BCAS3: variants seen among roughly 807,000 people sequenced by gnomAD.
The protein encoded by BCAS3 is BCAS4/BCAS3 fusion.
A neutral mutation model predicts 116.1 loss-of-function variants in BCAS3; 53 were observed. That is an observed-to-expected ratio of 0.46 (90% CI 0.37 to 0.57). The LOEUF is 0.57. BCAS3 is among the 20% of genes least tolerant of loss of function. The probability of loss-of-function intolerance (pLI) is 0.00; values close to 1 mark genes in which losing one functional copy is unlikely to be tolerated. For missense variants in BCAS3, 917 were observed against 1,165.4 expected (o/e 0.79, Z 3.10); for synonymous variants, 391 against 408.2 (o/e 0.96, Z 0.51).
chr17:60,897,245 T>C (rs971372322), intron 10 of BCAS3, among the ~76,000 whole-genome samples: 1 of 152,226 alleles, frequency 6.6e-6, no homozygotes, highest in Non-Finnish European at 1.5e-5. Flanking sequence ...CATTGTCTTC[T>C]GGCTTGTGAG....
chr17:61,133,899 A>T (rs1196189214), intron 22 of BCAS3, among the ~76,000 whole-genome samples: 1 of 150,192 alleles, frequency 6.7e-6, no homozygotes, highest in South Asian at 2.1e-4. Flanking sequence ...CCAAAAAACC[A>T]TCTTTGATTC....
chr17:60,747,278 T>C lies in BCAS3; in HGVS notation c.402T>C (p.Phe134=). The C allele has an allele frequency of 6.2e-7, 1 of 1,611,212 alleles. No homozygotes were observed. The highest frequency in any genetic ancestry group is 8.5e-7 in the Non-Finnish European group (1 of 1,177,508). ...RAARILPAPQ[F]GAQKCDNFAE... is the part of the protein sequence containing the mutation. ...CTAGAATCTTGCCTGCTCCACAGTT[T>C]GGTGAGTGTAGTCCTTAAGAAAAGA... Residue 134 remains phenylalanine, a splice_region_variant and synonymous_variant, in exon 6 of 24, where the codon TTT becomes TTC. Coordinates refer to ENST00000407086, the MANE Select transcript of BCAS3 (RefSeq NM_017679.5).
Position 60,985,444 on chromosome 17 carries a change from G to T in BCAS3, c.1222-4527G>T, listed in dbSNP as rs1057130943. 5.3e-5 allele frequency among the ~76,000 whole-genome samples: 8 copies of T among 151,966 alleles called. No homozygotes were observed. In the East Asian group the frequency reaches 7.7e-4, roughly 15 times the overall value. ...TTATGGGTGTGAGCTGTCACACCTGGTCCCAATTATATTCTTTAAGTTATT... is the reference window on the plus strand; with the variant it reads ...TTATGGGTGTGAGCTGTCACACCTGTTCCCAATTATATTCTTTAAGTTATT... On this transcript the variant is annotated intron_variant, in intron 14 of 23. Coordinates refer to ENST00000407086, the MANE Select transcript of BCAS3 (RefSeq NM_017679.5).
intron 22 of BCAS3, among the ~76,000 whole-genome samples, chr17:61,257,719 C>G (rs2048897578): frequency 6.6e-6 from 1 of 152,114 alleles, no homozygotes; most frequent in Admixed American, 6.6e-5. Flanking sequence ...TCAAATAATT[C>G]AAAATATGAT....
chr17:60,894,217 G>A (rs2057366303), intron 10 of BCAS3, among the ~76,000 whole-genome samples: 1 of 151,722 alleles, frequency 6.6e-6, no homozygotes, highest in African/African-American at 2.4e-5. Flanking sequence ...CATGAGCTTG[G>A]GATGTTTTTC....
chr17:61,230,854 T>C (rs973216158), intron 22 of BCAS3, among the ~76,000 whole-genome samples: 1 of 152,214 alleles, frequency 6.6e-6, no homozygotes, highest in Non-Finnish European at 1.5e-5. Flanking sequence ...TTTTAAGTTC[T>C]TTGAGAACTC....
chr17:61,265,966 ATTTCC>A lies in BCAS3; in HGVS notation c.2426-102356_2426-102352del. Among the ~76,000 whole-genome samples the A allele has an allele frequency of 6.6e-6, 1 of 152,254 alleles. No individual in the cohort carries two copies. The highest frequency in any genetic ancestry group is 3.4e-3 in the Middle Eastern group (1 of 294). ...TGTCACCTTTCATAGATACTAAAAT[ATTTCC>A]TTTCTTCATTTCTAATGAGACTTCC... On this transcript the variant is annotated intron_variant, in intron 22 of 23. Transcript: ENST00000407086. This position sits in a 1 kb window ranked among gnomAD's most constrained non-coding sequence, Gnocchi z 4.3.
At chr17:61,306,198 G>C (rs2053845147) in intron 22 of BCAS3, among the ~76,000 whole-genome samples, 1 of 152,218 alleles carries the variant, frequency 6.6e-6, no homozygotes, top group Non-Finnish European at 1.5e-5. Context: ...TGAGTCATTT[G>C]TTGGCAACAG....
intron 7 of BCAS3, among the ~76,000 whole-genome samples, chr17:60,845,600 A>G (rs758610393): frequency 1.3e-5 from 2 of 152,194 alleles, no homozygotes; most frequent in African/African-American, 4.8e-5. Flanking sequence ...GTCTAAGCAC[A>G]TGCCTGGGCA....
At chr17:61,335,448 G>T (rs1181755093) in intron 22 of BCAS3, among the ~76,000 whole-genome samples, 1 of 152,184 alleles carries the variant, frequency 6.6e-6, no homozygotes. Context: ...CAGCAATGAC[G>T]CCAAGATGCC....
At chr17:60,959,122 T>C (rs1018446240) in intron 14 of BCAS3, among the ~76,000 whole-genome samples, 1 of 151,804 alleles carries the variant, frequency 6.6e-6, no homozygotes, top group African/African-American at 2.4e-5. Context: ...CTGGGGAACA[T>C]AGAAAGACTC....
intron 21 of BCAS3, 118 bp downstream of exon 21, chr17:61,078,647 C>A: frequency 1.2e-6 from 1 of 817,220 alleles, no homozygotes; most frequent in South Asian, 1.8e-5. Flanking sequence ...TTGCAGACTA[C>A]ATGTACTGTT....
chr17:61,327,489 G>C lies in BCAS3; in HGVS notation c.2426-40838G>C, dbSNP rs983354648. 6.6e-6 allele frequency among the ~76,000 whole-genome samples: 1 copy of C among 151,906 alleles called. No individual in the cohort carries two copies. Among genetic ancestry groups the C allele is most frequent in the Non-Finnish European group, 1.5e-5 (1 of 67,970 alleles). On this transcript the variant is annotated intron_variant, in intron 22 of 23. Coordinates refer to ENST00000407086, the MANE Select transcript of BCAS3 (RefSeq NM_017679.5). The surrounding 1 kb of genome is among the most constrained non-coding windows in gnomAD (Gnocchi z 5.9). ...CAGGCAAGTATGTGGAGATGAGGGA[G>C]CAAATAGAAAATGAAGCAAAATTTT...
At chr17:60,951,220 T>C (rs1022763513) in intron 14 of BCAS3, among the ~76,000 whole-genome samples, 2 of 152,192 alleles carry the variant, frequency 1.3e-5, no homozygotes, top group Non-Finnish European at 2.9e-5. Context: ...CTGAAAATTA[T>C]TATCTTTTTT....
In BCAS3 at chr17:61,034,995, A is replaced by G. The variant is rs911575028; in HGVS notation, c.1762+205A>G. Among the ~76,000 whole-genome samples, 1 of 152,100 alleles carries G rather than the reference A, an allele frequency of 6.6e-6. No homozygotes were observed. The highest frequency in any genetic ancestry group is 1.5e-5 in the Non-Finnish European group (1 of 68,010). Reference sequence around the variant, plus strand: ...CAGTATGAACGTTAATGAATTGCCCACTGAGTGATTTTGTTTTGTTTTGTT... The same window carrying G: ...CAGTATGAACGTTAATGAATTGCCCGCTGAGTGATTTTGTTTTGTTTTGTT... On this transcript the variant is annotated intron_variant, in intron 17 of 23. Coordinates refer to ENST00000407086, the MANE Select transcript of BCAS3 (RefSeq NM_017679.5). The surrounding 1 kb of genome is among the most constrained non-coding windows in gnomAD (Gnocchi z 5.0).
At chr17:61,193,661 G>T (rs907103126) in intron 22 of BCAS3, among the ~76,000 whole-genome samples, 18 of 150,532 alleles carry the variant, frequency 1.2e-4, no homozygotes, top group African/African-American at 4.2e-4. Flanking sequence ...GGAGGCTGAG[G>T]CAGGAGAATG....
rs532883935 is a variant in BCAS3 at position 61,227,455 on chromosome 17, T to C, written c.2426-140872T>C. ...ATTATAATTAAGAACAGAGGAACTC[T>C]AGGGACTGTAAGAAGTTTGAAACAG... is the stretch of plus-strand genomic sequence containing the variant. On this transcript the variant is annotated intron_variant, in intron 22 of 23. Coordinates refer to ENST00000407086, the MANE Select transcript of BCAS3 (RefSeq NM_017679.5). The surrounding 1 kb of genome is among the most constrained non-coding windows in gnomAD (Gnocchi z 6.1). 6.6e-6 allele frequency among the ~76,000 whole-genome samples: 1 copy of C among 152,358 alleles called. No individual in the cohort carries two copies. The highest frequency in any genetic ancestry group is 1.9e-4 in the East Asian group (1 of 5,186).
In BCAS3 at chr17:61,208,280, A is replaced by G. The variant is rs891235110; in HGVS notation, c.2425+123716A>G. Among the ~76,000 whole-genome samples, 9 of 152,124 alleles carry G rather than the reference A, an allele frequency of 5.9e-5. No individual in the cohort carries two copies. Among genetic ancestry groups the G allele is most frequent in the African/African-American group, 2.2e-4 (9 of 41,400 alleles). ...TTTCACTGTGTTTCATTTTGTCTAA[A>G]GCGGGACTCTTCTCCTCCCAGGGAC... On this transcript the variant is annotated intron_variant, in intron 22 of 23. Coordinates refer to ENST00000407086, the MANE Select transcript of BCAS3 (RefSeq NM_017679.5). The surrounding 1 kb of genome is among the most constrained non-coding windows in gnomAD (Gnocchi z 4.5).
intron 9 of BCAS3, 124 bp from the exon 10 acceptor site, chr17:60,889,571 A>G (rs2144999014): frequency 1.3e-6 from 1 of 775,424 alleles, no homozygotes; most frequent in Middle Eastern, 3.8e-4. Flanking sequence ...TGTTACAGGA[A>G]TTTTATGTGA....
Sources: gnomAD v4.1 joint callset for allele counts (sites outside exome capture counted in the v4.1 genomes callset) on GRCh38, gnomAD v4.1.1 for gene constraint, Gnocchi (gnomAD v3.1) non-coding constraint, MANE v1.5 for transcripts, NCBI Gene and HGNC (gene_info 2026-07-23, HGNC 2026-07-21) for gene names.